CTIF: variants seen among roughly 807,000 people sequenced by gnomAD.
CTIF encodes the protein cap binding complex dependent translation initiation factor, also known as CBP80/20-dependent translation initiation factor.
In CTIF, 21 loss-of-function variants were observed where a neutral mutation model predicts 66.0. The observed-to-expected ratio is 0.32, with a 90% confidence interval of 0.23 to 0.46. The LOEUF (loss-of-function observed/expected upper bound fraction) is 0.46. Among genes scored for constraint, CTIF ranks in the 20% least tolerant of loss-of-function variants. The pLI is 1.00. For missense variants in CTIF, 739 were observed against 812.7 expected, an observed-to-expected ratio of 0.91 and a Z score of 1.10; for synonymous variants, 345 against 326.4, an observed-to-expected ratio of 1.06 and a Z score of -0.62.
chr18:48,649,062 C>T (rs148581651), intron 3 of CTIF, among the ~76,000 whole-genome samples: 12 of 152,328 alleles, frequency 7.9e-5, no homozygotes, highest in African/African-American at 2.9e-4. Flanking sequence ...GTGACTTCTG[C>T]ATTTCCAACT....
In CTIF at chr18:48,598,717, G is replaced by T. The variant is rs371025150; in HGVS notation, c.-28-20821G>T. 2.0e-5 allele frequency among the ~76,000 whole-genome samples: 3 copies of T among 152,166 alleles called. 1 individual carries two copies. The highest frequency in any genetic ancestry group is 1.9e-4 in the East Asian group (1 of 5,184). ...AACAGAGAGGGTTCTATAACAGCAC[G>T]CAGGGCAAGAATGAGCATGATAGCA... is the stretch of plus-strand genomic sequence containing the variant. On this transcript the variant is annotated intron_variant, in intron 1 of 11. Coordinates refer to ENST00000256413, the MANE Select transcript of CTIF (RefSeq NM_014772.3).
chr18:48,836,043 C>G (rs1204305498), intron 10 of CTIF, among the ~76,000 whole-genome samples: 1 of 152,100 alleles, frequency 6.6e-6, no homozygotes, highest in Admixed American at 6.5e-5. Flanking sequence ...CCCTCTAGCC[C>G]ATGAACATTT....
intron 6 of CTIF, among the ~76,000 whole-genome samples, chr18:48,699,787 C>G (rs558218909): frequency 6.6e-6 from 1 of 152,334 alleles, no homozygotes; most frequent in South Asian, 2.1e-4. Context: ...TTATTACCAC[C>G]ATTTTTTAGG....
intron 9 of CTIF, among the ~76,000 whole-genome samples, chr18:48,801,332 T>A (rs759446650): frequency 6.6e-6 from 1 of 152,180 alleles, no homozygotes. Context: ...GACGCAAACG[T>A]TGGTCTCCCC....
At chr18:48,744,571 G>A (rs571133726) in intron 7 of CTIF, among the ~76,000 whole-genome samples, 3 of 152,098 alleles carry the variant, frequency 2.0e-5, no homozygotes, top group African/African-American at 4.8e-5. Context: ...TTTCTGACCC[G>A]TCTGAAAGTA....
chr18:48,616,376 T>A (rs908078279), intron 1 of CTIF, among the ~76,000 whole-genome samples: 13 of 152,176 alleles, frequency 8.5e-5, no homozygotes, highest in African/African-American at 3.1e-4. Flanking sequence ...TGTGCCCAGC[T>A]GGGGAATAAG....
intron 6 of CTIF, chr18:48,673,518 C>G (rs2091573407): frequency 6.6e-6 from 1 of 152,214 alleles, no homozygotes; most frequent in Non-Finnish European, 1.5e-5. Flanking sequence ...TAAACAAACC[C>G]CACATCTCAG....
chr18:48,657,584 A>C (rs971246933), intron 3 of CTIF, among the ~76,000 whole-genome samples: 5 of 152,070 alleles, frequency 3.3e-5, no homozygotes, highest in Non-Finnish European at 5.9e-5. Flanking sequence ...TACAACAATG[A>C]CGAGAGGAAT....
At chr18:48,827,340 AG>A (rs1299890459) in intron 10 of CTIF, among the ~76,000 whole-genome samples, 3 of 152,224 alleles carry the variant, frequency 2.0e-5, no homozygotes, top group Non-Finnish European at 4.4e-5. Context: ...AGCAGTCTCT[AG>A]CCAGAGGAGC....
At chr18:48,825,935 G>A (rs2068573868) in intron 10 of CTIF, 1 of 152,214 alleles carries the variant, frequency 6.6e-6, no homozygotes, top group South Asian at 2.1e-4. Context: ...CAAGGTTAAG[G>A]AACATAGTCT....
At chr18:48,753,049 C>T (rs565246699) in intron 7 of CTIF, among the ~76,000 whole-genome samples, 7 of 152,324 alleles carry the variant, frequency 4.6e-5, no homozygotes, top group East Asian at 1.9e-4. Flanking sequence ...CCTGTGCCTC[C>T]GAGCCTCACC....
chr18:48,559,712 G>A (rs891750145), intron 1 of CTIF, among the ~76,000 whole-genome samples: 1 of 152,182 alleles, frequency 6.6e-6, no homozygotes, highest in African/African-American at 2.4e-5. Flanking sequence ...TCTCCACAAG[G>A]CTGCTTGGGC....
chr18:48,614,863 G>T (rs975248974), intron 1 of CTIF, among the ~76,000 whole-genome samples: 2 of 152,016 alleles, frequency 1.3e-5, no homozygotes, highest in Non-Finnish European at 2.9e-5. Flanking sequence ...TGTTTGGTTT[G>T]GTTGGTTGGT....
At chr18:48,741,666 C>A (rs2092556168) in intron 7 of CTIF, among the ~76,000 whole-genome samples, 1 of 152,054 alleles carries the variant, frequency 6.6e-6, no homozygotes, top group African/African-American at 2.4e-5. Flanking sequence ...CTCAGGTGAT[C>A]CTCCTGCCTT....
rs1413252953 is a variant in CTIF, at chr18:48,606,415, CAG to C, written c.-28-13122_-28-13121del. Reference sequence around the variant, plus strand: ...CCAGGGTCCCCATATGGGAGGGTAACAGGGGGTGGTGATGCATGCTCTGCCTA... The same window carrying C: ...CCAGGGTCCCCATATGGGAGGGTAACGGGGTGGTGATGCATGCTCTGCCTA... On this transcript the variant is annotated intron_variant, in intron 1 of 11. Coordinates refer to ENST00000256413, the MANE Select transcript of CTIF (RefSeq NM_014772.3). Among the ~76,000 whole-genome samples the C allele has an allele frequency of 4.6e-5, 7 of 152,218 alleles. No individual in the cohort carries two copies. The South Asian group carries it at 8.3e-4, about 18-fold the overall frequency.
chr18:48,731,190 G>A (rs1200145876), intron 7 of CTIF, among the ~76,000 whole-genome samples: 2 of 152,080 alleles, frequency 1.3e-5, no homozygotes, highest in African/African-American at 4.8e-5. Flanking sequence ...CCCTGTTGGG[G>A]TTTAAAACCC....
intron 6 of CTIF, among the ~76,000 whole-genome samples, chr18:48,675,712 CT>C (rs1297165540): frequency 6.6e-6 from 1 of 152,174 alleles, no homozygotes; most frequent in Non-Finnish European, 1.5e-5. Flanking sequence ...GGGCCCGCCC[CT>C]CCCTGGGACC....
intron 7 of CTIF, among the ~76,000 whole-genome samples, chr18:48,736,766 G>A (rs1361790516): frequency 1.3e-5 from 2 of 152,164 alleles, no homozygotes; most frequent in Non-Finnish European, 2.9e-5. Flanking sequence ...TCCTGGGGAA[G>A]CTGACATTGG....
chr18:48,701,684 TC>T lies in CTIF; in HGVS notation c.508-9932del, dbSNP rs534043065. ...AATGTAGAAACAATCTTCTAACACT[TC>T]CCTGTTGGTCCCTAGTCCCTGTTCT... On this transcript the variant is annotated intron_variant, in intron 6 of 11. Coordinates refer to ENST00000256413, the MANE Select transcript of CTIF (RefSeq NM_014772.3). 8.4e-4 allele frequency among the ~76,000 whole-genome samples: 128 copies of T among 152,354 alleles called. 1 individual carries two copies. The highest frequency in any genetic ancestry group is 3.0e-3 in the African/African-American group (123 of 41,580).
Sources: allele counts gnomAD v4.1 joint callset (sites outside exome capture counted in the v4.1 genomes callset), GRCh38; gene constraint gnomAD v4.1.1; transcripts MANE v1.5; gene names NCBI Gene and HGNC (gene_info 2026-07-23, HGNC 2026-07-21).